Variants in TMEM117 observed in about 807,000 individuals in gnomAD.
TMEM117 encodes transmembrane protein 117.
TMEM117 carries 27 observed loss-of-function variants against 52.4 expected under a neutral mutation model. That is an observed-to-expected ratio of 0.51 (90% CI 0.38 to 0.71). The LOEUF is 0.71. Among genes scored for constraint, TMEM117 ranks in the 30% least tolerant of loss-of-function variants. The probability of loss-of-function intolerance (pLI) is 0.00; values close to 1 mark genes in which losing one functional copy is unlikely to be tolerated. For synonymous variants in TMEM117, 215 were observed against 206.3 expected, an observed-to-expected ratio of 1.04 and a Z score of -0.36; for missense variants, 556 against 630.5, an observed-to-expected ratio of 0.88 and a Z score of 1.26.
At chr12:43,837,882 AG>A (rs1385661221) in intron 1 of TMEM117, among the ~76,000 whole-genome samples, 4 of 152,182 alleles carry the variant, frequency 2.6e-5, no homozygotes, top group Non-Finnish European at 5.9e-5. Flanking sequence ...GATAGGAACA[AG>A]GGAAGAAAAA....
intron 6 of TMEM117, chr12:44,318,503 C>A (rs1267009581): frequency 1.3e-5 from 2 of 152,082 alleles, no homozygotes; most frequent in Non-Finnish European, 2.9e-5. Flanking sequence ...GCTAAGGTTG[C>A]TGATCCAGGC....
chr12:44,108,025 T>A (rs1454597206), intron 3 of TMEM117, among the ~76,000 whole-genome samples: 1 of 152,130 alleles, frequency 6.6e-6, no homozygotes, highest in Non-Finnish European at 1.5e-5. Context: ...TTTGCTTATT[T>A]TTCATTCTGA....
the TMEM117 span, chr12:43,797,140 C>A: frequency 2.0e-6 from 3 of 1,526,862 alleles, no homozygotes; most frequent in Admixed American, 4.1e-5. Context: ...CATATCAATA[C>A]ATAAACTTCA....
intron 4 of TMEM117, among the ~76,000 whole-genome samples, chr12:44,207,760 A>G (rs970408846): frequency 1.3e-5 from 2 of 152,020 alleles, no homozygotes; most frequent in Non-Finnish European, 2.9e-5. Context: ...TAGGTGATTA[A>G]TAAGAAAACA....
chr12:44,072,282 G>C (rs1342105990), intron 3 of TMEM117, among the ~76,000 whole-genome samples: 2 of 152,044 alleles, frequency 1.3e-5, no homozygotes, highest in African/African-American at 4.8e-5. Flanking sequence ...TTTGGATCTG[G>C]AATTTTTTTA....
chr12:44,326,200 T>C (rs1016653871), intron 6 of TMEM117, among the ~76,000 whole-genome samples: 2 of 150,742 alleles, frequency 1.3e-5, no homozygotes, highest in Non-Finnish European at 1.5e-5. Flanking sequence ...TTTTGTTTTT[T>C]GTTTTTTATT....
intron 3 of TMEM117, among the ~76,000 whole-genome samples, chr12:43,989,906 A>G (rs909731655): frequency 1.3e-5 from 2 of 152,012 alleles, no homozygotes; most frequent in Non-Finnish European, 2.9e-5. Context: ...ACAAATGTTT[A>G]TTTCTGTGTT....
At chr12:44,306,746 C>G (rs1266094469) in intron 6 of TMEM117, among the ~76,000 whole-genome samples, 1 of 152,016 alleles carries the variant, frequency 6.6e-6, no homozygotes, top group Non-Finnish European at 1.5e-5. Flanking sequence ...TCACATGCAC[C>G]AAATAATGTG....
At chr12:43,931,879 C>T (rs1944876614) in intron 2 of TMEM117, among the ~76,000 whole-genome samples, 1 of 152,212 alleles carries the variant, frequency 6.6e-6, no homozygotes, top group Admixed American at 6.5e-5. Context: ...TTCTGGGAGA[C>T]CCAGGCTTGG....
the TMEM117 span, among the ~76,000 whole-genome samples, chr12:43,818,551 C>T: frequency 6.6e-6 from 1 of 152,118 alleles, no homozygotes; most frequent in East Asian, 1.9e-4. Context: ...AGCAATTCTC[C>T]TGCCTCAGCC....
At chr12:44,186,772 A>G (rs1420907074) in intron 4 of TMEM117, among the ~76,000 whole-genome samples, 1 of 152,170 alleles carries the variant, frequency 6.6e-6, no homozygotes, top group Non-Finnish European at 1.5e-5. Flanking sequence ...AAAAGTTAAT[A>G]ATTTATACAT....
chr12:44,312,143 G>GATGA (rs1950998751), intron 6 of TMEM117, among the ~76,000 whole-genome samples: 1 of 151,812 alleles, frequency 6.6e-6, no homozygotes, highest in African/African-American at 2.4e-5. Context: ...GTTGATGAAT[G>GATGA]ATCCTATGAA....
At chr12:44,165,810 A>G (rs1353358143) in intron 4 of TMEM117, among the ~76,000 whole-genome samples, 1 of 152,242 alleles carries the variant, frequency 6.6e-6, no homozygotes, top group Non-Finnish European at 1.5e-5. Context: ...AGCATTGGAC[A>G]GATCATCTAG....
chr12:43,798,613 C>G, the TMEM117 span: 1 of 1,471,760 alleles, frequency 6.8e-7, no homozygotes, highest in Non-Finnish European at 9.0e-7. Context: ...AACAAACTAT[C>G]AAACTCGTAA....
intron 6 of TMEM117, among the ~76,000 whole-genome samples, chr12:44,360,560 C>G (rs1428782414): frequency 6.8e-6 from 1 of 147,824 alleles, no homozygotes; most frequent in Non-Finnish European, 1.5e-5. Context: ...AAGTGAGACT[C>G]TGTCTCAAAA....
intron 4 of TMEM117, among the ~76,000 whole-genome samples, chr12:44,183,775 G>A (rs1465357921): frequency 1.3e-5 from 2 of 152,288 alleles, no homozygotes; most frequent in Non-Finnish European, 2.9e-5. Flanking sequence ...CGGCCTGGGT[G>A]TATCACATAA....
chr12:44,257,272 G>A (rs1031293441), intron 5 of TMEM117, among the ~76,000 whole-genome samples: 9 of 151,694 alleles, frequency 5.9e-5, no homozygotes, highest in African/African-American at 1.9e-4. Context: ...GGAGCCGTAG[G>A]CATCTGCACT....
chr12:43,892,229 C>A (rs1260772937), intron 2 of TMEM117, among the ~76,000 whole-genome samples: 2 of 152,196 alleles, frequency 1.3e-5, no homozygotes, highest in African/African-American at 4.8e-5. Flanking sequence ...TAGGCACAAA[C>A]TTCCAGAATT....
At chr12:44,195,426 T>C (rs565392850) in intron 4 of TMEM117, among the ~76,000 whole-genome samples, 1 of 152,268 alleles carries the variant, frequency 6.6e-6, no homozygotes, top group South Asian at 2.1e-4. Flanking sequence ...CCCAATAATC[T>C]TTCTTTTGCT....
Sources: allele counts gnomAD v4.1 joint callset (sites outside exome capture counted in the v4.1 genomes callset), GRCh38; gene constraint gnomAD v4.1.1; transcripts MANE v1.5; gene names NCBI Gene and HGNC (gene_info 2026-07-23, HGNC 2026-07-21).